The following MYO15A variants were observed in gnomAD, a reference collection of about 807,000 sequenced individuals.
MYO15A encodes the protein myosin XVA.
Under a neutral mutation model 394.6 loss-of-function variants are expected in MYO15A, and 308 were observed. That is an observed-to-expected ratio of 0.78 (90% CI 0.71 to 0.86). The LOEUF (loss-of-function observed/expected upper bound fraction) is 0.86, where lower values mean the gene tolerates loss of function less well. Among genes scored for constraint, MYO15A ranks in the 40% least tolerant of loss-of-function variants. The probability of loss-of-function intolerance (pLI) is 0.00; values close to 1 mark genes in which losing one functional copy is unlikely to be tolerated. For missense variants in MYO15A, 4,606 were observed against 4,799.1 expected (o/e 0.96, Z 1.19); for synonymous variants, 1,957 against 2,003.8 (o/e 0.98, Z 0.62).
chr17:18,140,014 C>G (rs1195358453), intron 19 of MYO15A, among the ~76,000 whole-genome samples: 1 of 152,206 alleles, frequency 6.6e-6, no homozygotes, highest in Non-Finnish European at 1.5e-5. Context: ...CTCAGTTTCT[C>G]CCACCCCACC....
At chr17:18,128,640 G>A (rs1013730953) in intron 7 of MYO15A, among the ~76,000 whole-genome samples, 1 of 152,252 alleles carries the variant, frequency 6.6e-6, no homozygotes, top group Admixed American at 6.5e-5. Flanking sequence ...GGCAGGGAAA[G>A]AAGTAAGTGT....
In MYO15A at chr17:18,127,084, C is replaced by T. The variant is rs986336542; in HGVS notation, c.3951C>T (p.Ser1317=). 33 of 1,613,878 alleles carry T rather than the reference C, an allele frequency of 2.0e-5. No homozygotes were observed. The highest frequency in any genetic ancestry group is 2.5e-5 in the Non-Finnish European group (30 of 1,180,012). Reference sequence around the variant, plus strand: ...CCCTTTGCTCGGTCAGTGGAGAGAGCGGCTCTGGCAAAACTGAGGCCACCA... The same window carrying T: ...CCCTTTGCTCGGTCAGTGGAGAGAGTGGCTCTGGCAAAACTGAGGCCACCA... ...QNQCIIISGE[S]GSGKTEATKL... The change falls in exon 7 of 66, where the codon AGC becomes AGT. Residue 1317 remains serine, a synonymous_variant. Transcript: ENST00000647165.
intron 35 of MYO15A, chr17:18,149,793 G>C: frequency 1.6e-6 from 1 of 624,440 alleles, no homozygotes; most frequent in Non-Finnish European, 2.9e-6. Context: ...CCCACAGTTA[G>C]AAGTGCACCT....
intron 60 of MYO15A, 122 bp from the exon 61 acceptor site, chr17:18,166,239 G>A: frequency 7.9e-7 from 1 of 1,268,238 alleles, no homozygotes. Flanking sequence ...CAGGCAGGTG[G>A]CTTGTCCGAG....
chr17:18,178,137 C>A (rs750069397), intron 65 of MYO15A: 1 of 156,772 alleles, frequency 6.4e-6, no homozygotes, highest in Non-Finnish European at 1.4e-5. Context: ...TTTGGGAGGC[C>A]GAGGTGGGCA....
chr17:18,127,834 GATATATATAT>G (rs55650584), intron 7 of MYO15A, among the ~76,000 whole-genome samples: 10 of 131,094 alleles, frequency 7.6e-5, no homozygotes, highest in Non-Finnish European at 1.1e-4. Context: ...GAAAAAAAAA[GATATATATAT>G]ATATATATAT....
chr17:18,119,590 C>G lies in MYO15A; in HGVS notation c.790C>G (p.Leu264Val), dbSNP rs1131691688. The stretch of plus-strand genomic sequence containing the variant: ...GGAGCAGGAACCCTACCTGGCGGGC[C>G]TCGGCCCCTACAGCCCGGCCTGGCC... ...YEEQEPYLAG[L>V]GPYSPAWPPY... is the part of the protein sequence containing the mutation. Residue 264 changes from leucine to valine, a missense_variant, in exon 2 of 66, where the codon CTC (leucine) becomes GTC (valine). By Grantham distance (32) the Leu-to-Val change is conservative. Transcript: ENST00000647165. 6.2e-7 allele frequency: 1 copy of G among 1,604,596 alleles called. No homozygotes were observed. Among genetic ancestry groups the G allele is most frequent in the Non-Finnish European group, 8.5e-7 (1 of 1,179,934 alleles).
In MYO15A at chr17:18,161,445, A is replaced by G. The variant is rs375465287; in HGVS notation, c.9515A>G (p.Gln3172Arg). The G allele has an allele frequency of 6.8e-6, 11 of 1,613,490 alleles. No individual in the cohort carries two copies. The highest frequency in any genetic ancestry group is 8.5e-6 in the Non-Finnish European group (10 of 1,180,016). Residue 3172 changes from glutamine to arginine, a missense_variant and splice_region_variant, in exon 57 of 66, where the codon CAG becomes CGG. This residue lies in a region of MYO15A where 2,776 missense variants were observed against 3,109.3 expected (regional missense o/e 0.89). Transcript: ENST00000647165. Reference protein sequence around the residue: ...DVSRTPGLPFQGIAKACEQNL... With the variant: ...DVSRTPGLPFRGIAKACEQNL... ...AGCCGGACCCCAGGCCTGCCCTTTC[A>G]GGGTGAGAGGTCAATGAGTGGGAAC...
intron 1 of MYO15A, among the ~76,000 whole-genome samples, chr17:18,113,610 T>C (rs995854174): frequency 6.6e-6 from 1 of 151,886 alleles, no homozygotes; most frequent in South Asian, 2.1e-4. Flanking sequence ...AATACAAAAA[T>C]TAGTCAGGCA....
rs367777952 is a variant in MYO15A, at chr17:18,141,084, C to A, written c.5472C>A (p.Thr1824=). Residue 1824 remains threonine, a synonymous_variant, in exon 22 of 66, where the codon ACC becomes ACA. Transcript: ENST00000647165. ...TACGCTATTCAGGGGTGCTGGAGAC[C>A]GTGAGGATCCGCAAGGAGGGATTTC... ...AQLRYSGVLE[T]VRIRKEGFPV... 6.2e-7 allele frequency: 1 copy of A among 1,613,896 alleles called. No individual in the cohort carries two copies. Among genetic ancestry groups the A allele is most frequent in the Non-Finnish European group, 8.5e-7 (1 of 1,180,044 alleles).
chr17:18,159,693 A>G lies in MYO15A; in HGVS notation c.9303+14A>G. 6.2e-7 allele frequency: 1 copy of G among 1,613,972 alleles called. No individual in the cohort carries two copies. The highest frequency in any genetic ancestry group is 8.5e-7 in the Non-Finnish European group (1 of 1,179,870). ...AACCTCCTGAAGGTCAGTCCAGCCA[A>G]CTTTGCCAGATGCCCCCTTTCCTGC... On this transcript the variant is annotated intron_variant, in intron 55 of 65. Transcript: ENST00000647165.
In MYO15A at chr17:18,147,977, C is replaced by T; in HGVS notation, c.6510-52C>T. On this transcript the variant is annotated intron_variant, in intron 30 of 65. Transcript: ENST00000647165. The surrounding 1 kb of genome is among the most constrained non-coding windows in gnomAD (Gnocchi z 4.4). The stretch of plus-strand genomic sequence containing the variant: ...TACCCCCACCCCGCAGCCCTCAGCC[C>T]CAAGCTAGCTTCAGATCCTTCTTGA... The T allele has an allele frequency of 6.2e-7, 1 of 1,611,506 alleles. No individual in the cohort carries two copies. The highest frequency in any genetic ancestry group is 8.5e-7 in the Non-Finnish European group (1 of 1,178,120).
chr17:18,133,527 G>A (rs1241778577), intron 12 of MYO15A, 141 bp downstream of exon 12: 7 of 1,190,484 alleles, frequency 5.9e-6, no homozygotes, highest in Non-Finnish European at 6.8e-6. Context: ...CTTTGGGGTT[G>A]TTCATCTTTT....
chr17:18,122,456 GA>G (rs2142263773), intron 2 of MYO15A, 47 bp downstream of exon 2: 1 of 1,585,758 alleles, frequency 6.3e-7, no homozygotes, highest in East Asian at 2.2e-5. Context: ...TCTGGCCTAG[GA>G]AACAGGGCAA....
Position 18,120,941 on chromosome 17 carries a change from C to T in MYO15A, c.2141C>T (p.Pro714Leu). 1.4e-6 allele frequency: 2 copies of T among 1,475,728 alleles called. No homozygotes were observed. Among genetic ancestry groups the T allele is most frequent in the Middle Eastern group, 2.2e-4 (1 of 4,530 alleles). 91.4% of individuals were successfully genotyped at this position (1,475,728 alleles called of 1,614,324 possible). A position where few individuals can be genotyped will look rare whatever the true frequency, so the allele number is the denominator to read the frequency against. Residue 714 changes from proline to leucine, a missense_variant, in exon 2 of 66, where the codon CCG becomes CTG. Coordinates refer to ENST00000647165, the MANE Select transcript of MYO15A (RefSeq NM_016239.4). ...WAAPAHVPPA[P>L]QASWWAFVEP... ...GCCCCAGCGCACGTGCCACCGGCGC[C>T]GCAGGCCAGCTGGTGGGCCTTCGTG...
chr17:18,157,120 C>A, intron 49 of MYO15A, 36 bp from the exon 50 acceptor site: 1 of 1,611,390 alleles, frequency 6.2e-7, no homozygotes, highest in East Asian at 2.2e-5. Context: ...CCAAGGGGGC[C>A]TCCCTGGCAG....
rs555605340 is a variant in MYO15A at position 18,153,080 on chromosome 17, C to T, written c.7967-695C>T. 2.0e-4 allele frequency among the ~76,000 whole-genome samples: 31 copies of T among 152,338 alleles called. No homozygotes were observed. The highest frequency in any genetic ancestry group is 6.5e-4 in the African/African-American group (27 of 41,574). ...GCATTGTTTACCTTATTTGCGGGGC[C>T]ATCTCAGCCTTTAGCCCAGGCCTGT... On this transcript the variant is annotated intron_variant, in intron 42 of 65. Coordinates refer to ENST00000647165, the MANE Select transcript of MYO15A (RefSeq NM_016239.4). The surrounding 1 kb of genome is among the most constrained non-coding windows in gnomAD (Gnocchi z 4.1).
At chr17:18,127,193 T>C (rs757743771) in intron 7 of MYO15A, 28 bp downstream of exon 7, 1 of 1,612,206 alleles carries the variant, frequency 6.2e-7, no homozygotes, top group Admixed American at 1.7e-5. Context: ...CCCAGGACCC[T>C]AGGCTGAACA....
chr17:18,154,346 A>G (rs538437266), intron 44 of MYO15A, among the ~76,000 whole-genome samples, 156 bp downstream of exon 44: 1 of 152,212 alleles, frequency 6.6e-6, no homozygotes, highest in African/African-American at 2.4e-5. Flanking sequence ...TCCCCCTCCC[A>G]TGGGCAGGGT....
Sources: allele counts gnomAD v4.1 joint callset (sites outside exome capture counted in the v4.1 genomes callset), GRCh38; gene constraint gnomAD v4.1.1; regional missense constraint gnomAD v4.1.1; non-coding constraint Gnocchi (gnomAD v3.1); transcripts MANE v1.5; gene names NCBI Gene and HGNC (gene_info 2026-07-23, HGNC 2026-07-21).